The following SEPTIN4 variants were observed in gnomAD, a reference collection of about 807,000 sequenced individuals.
SEPTIN4 encodes septin 4, also known as septin-4.
A neutral mutation model predicts 107.1 loss-of-function variants in SEPTIN4; 52 were observed. The observed-to-expected ratio is 0.49, with a 90% CI of 0.39 to 0.61. The LOEUF (loss-of-function observed/expected upper bound fraction) is 0.61, where lower values mean the gene tolerates loss of function less well. Ranked by LOEUF, SEPTIN4 falls within the 20% of genes least tolerant of loss-of-function variation. SEPTIN4 has a pLI of 0.00. For synonymous variants in SEPTIN4, 417 were observed against 467.0 expected, an observed-to-expected ratio of 0.89 and a Z score of 1.38; for missense variants, 1,048 against 1,243.5, an observed-to-expected ratio of 0.84 and a Z score of 2.36.
At position 58,520,268 on chromosome 17, in the gene SEPTIN4, TTTA is replaced by T; in HGVS notation, c.*155_*157del. ...AGGGACACCAGAAGCCACCTACAGATTTATTAAACTTTATTTCCTCTGAGTCTC... is the reference window on the plus strand; with the variant it reads ...AGGGACACCAGAAGCCACCTACAGATTTAAACTTTATTTCCTCTGAGTCTC... On this transcript the variant is annotated 3_prime_UTR_variant, in exon 14 of 14. Coordinates refer to ENST00000672673, the MANE Select transcript of SEPTIN4 (RefSeq NM_001368771.2). The T allele has an allele frequency of 1.6e-6, 1 of 644,628 alleles. No homozygotes were observed. Among genetic ancestry groups the T allele is most frequent in the Non-Finnish European group, 2.7e-6 (1 of 366,664 alleles). The allele number at this position is 644,628 out of a possible 1,614,324, so 39.9% of individuals were successfully genotyped here. A position where few individuals can be genotyped will look rare whatever the true frequency, so the allele number is the denominator to read the frequency against.
intron 3 of SEPTIN4, among the ~76,000 whole-genome samples, chr17:58,537,955 G>A (rs947315252): frequency 6.6e-6 from 1 of 152,072 alleles, no homozygotes; most frequent in Non-Finnish European, 1.5e-5. Flanking sequence ...AATGCCGGGT[G>A]CAGTGGTTGG....
rs745683989 is a variant in SEPTIN4 at position 58,543,750 on chromosome 17, T to C, written c.437A>G (p.His146Arg). ...ESKSGREVGH[H>R]ASSIPDAKST... is the part of the protein sequence containing the mutation. Reference sequence around the variant, plus strand: ...TTTGGCATCTGGGATTGATGAAGCATGATGGCCGACCTCGCGCCCTGACTT... The same window carrying C: ...TTTGGCATCTGGGATTGATGAAGCACGATGGCCGACCTCGCGCCCTGACTT... The change falls in exon 1 of 14, where the codon CAT becomes CGT. Residue 146 changes from histidine (H) to arginine (R), a missense_variant. Around this residue, in one of 2 missense-constraint regions of SEPTIN4, gnomAD observed 787 missense variants for 871.8 expected, o/e 0.90. Coordinates refer to ENST00000672673, the MANE Select transcript of SEPTIN4 (RefSeq NM_001368771.2). 1.2e-6 allele frequency: 2 copies of C among 1,614,234 alleles called. No individual in the cohort carries two copies. Among genetic ancestry groups the C allele is most frequent in the Admixed American group, 3.3e-5 (2 of 60,024 alleles).
chr17:58,523,821 G>A (rs935142254), intron 7 of SEPTIN4, among the ~76,000 whole-genome samples: 1 of 152,130 alleles, frequency 6.6e-6, no homozygotes, highest in Non-Finnish European at 1.5e-5. Flanking sequence ...TGAGTATGCT[G>A]TAAATAGCCC....
intron 7 of SEPTIN4, chr17:58,524,846 C>G (rs1353073611): frequency 3.8e-6 from 2 of 521,756 alleles, no homozygotes; most frequent in Non-Finnish European, 6.8e-6. Flanking sequence ...TGTCCCTACC[C>G]CATTATAGAA....
rs746324621 is a variant in SEPTIN4 at position 58,525,133 on chromosome 17, G to A, written c.2161C>T (p.Arg721Trp). 5.6e-6 allele frequency: 9 copies of A among 1,614,136 alleles called. No individual in the cohort carries two copies. The highest frequency in any genetic ancestry group is 2.7e-5 in the African/African-American group (2 of 75,034). ...VDIEEKGVRL[R>W]LTIVDTPGFG... ...CCTGGTGTGTCCACAATGGTGAGCC[G>A]CAGCCTCACACCCTTCTCTTCTATG... is the stretch of plus-strand genomic sequence containing the variant. The change falls in exon 7 of 14, where the codon CGG (arginine) becomes TGG (tryptophan). Residue 721 changes from arginine (R) to tryptophan (W), a missense_variant. Around this residue, in one of 2 missense-constraint regions of SEPTIN4, gnomAD observed 261 missense variants for 371.7 expected, o/e 0.70. Coordinates refer to ENST00000672673, the MANE Select transcript of SEPTIN4 (RefSeq NM_001368771.2).
chr17:58,539,180 C>T, intron 3 of SEPTIN4: 1 of 1,534,242 alleles, frequency 6.5e-7, no homozygotes. Flanking sequence ...TTCTGGGGAG[C>T]AGCTCTGCTG....
At chr17:58,524,861 A>T (rs1038630760) in intron 7 of SEPTIN4, 67 of 577,514 alleles carry the variant, frequency 1.2e-4, no homozygotes, top group Non-Finnish European at 1.2e-5. Context: ...ATAGAATCAT[A>T]GGGCAGAATT....
intron 2 of SEPTIN4, 199 bp from the exon 3 acceptor site, chr17:58,540,872 G>A (rs917393646): frequency 7.9e-5 from 33 of 416,550 alleles, no homozygotes; most frequent in African/African-American, 4.5e-4. Context: ...GCCAAGCACC[G>A]TGCTAAGTGT....
intron 3 of SEPTIN4, among the ~76,000 whole-genome samples, chr17:58,532,896 G>A (rs1006272623): frequency 6.6e-6 from 1 of 152,204 alleles, no homozygotes; most frequent in African/African-American, 2.4e-5. Context: ...GGTGAGTGGG[G>A]TGTTGGTGAG....
At chr17:58,525,490 C>A in intron 6 of SEPTIN4, 1 of 614,882 alleles carries the variant, frequency 1.6e-6, no homozygotes, top group South Asian at 2.0e-5. Context: ...GAGAGCAAGA[C>A]TCTGGTCTCT....
At chr17:58,522,762 A>G (rs1204821028) in intron 7 of SEPTIN4, among the ~76,000 whole-genome samples, 1 of 151,920 alleles carries the variant, frequency 6.6e-6, no homozygotes, top group East Asian at 1.9e-4. Flanking sequence ...TTCCAGTGTA[A>G]CCTCAGAGCC....
In SEPTIN4 at chr17:58,522,105, G is replaced by A. The variant is rs749321626; in HGVS notation, c.2217-4C>T. Reference sequence around the variant, plus strand: ...GTATTCTGCCACAGGCTTCCAGCTGGGGCAGGGACAGACAAGCAGAGAAAC... The same window carrying A: ...GTATTCTGCCACAGGCTTCCAGCTGAGGCAGGGACAGACAAGCAGAGAAAC... On this transcript the variant is annotated splice_region_variant and splice_polypyrimidine_tract_variant and intron_variant, in intron 7 of 13. Coordinates refer to ENST00000672673, the MANE Select transcript of SEPTIN4 (RefSeq NM_001368771.2). 3 of 1,614,044 alleles carry A rather than the reference G, an allele frequency of 1.9e-6. No homozygotes were observed. The highest frequency in any genetic ancestry group is 1.3e-5 in the African/African-American group (1 of 74,928).
In SEPTIN4 at chr17:58,521,531, T is replaced by C. The variant is rs370675904; in HGVS notation, c.2571+14A>G. The C allele has an allele frequency of 3.1e-4, 504 of 1,613,216 alleles. No individual in the cohort carries two copies. Among genetic ancestry groups the C allele is most frequent in the Non-Finnish European group, 4.1e-4 (483 of 1,179,230 alleles). Reference sequence around the variant, plus strand: ...GAAATAAGATAGGAATGGGATGCCCTAGAGTGGCCCCACCTTTAGGGCTTG... The same window carrying C: ...GAAATAAGATAGGAATGGGATGCCCCAGAGTGGCCCCACCTTTAGGGCTTG... On this transcript the variant is annotated intron_variant, in intron 10 of 13. Coordinates refer to ENST00000672673, the MANE Select transcript of SEPTIN4 (RefSeq NM_001368771.2). The surrounding 1 kb of genome is among the most constrained non-coding windows in gnomAD (Gnocchi z 6.4).
At position 58,526,723 on chromosome 17, in the gene SEPTIN4, G is replaced by C; in HGVS notation, c.1870C>G (p.Arg624Gly). 1.9e-6 allele frequency: 3 copies of C among 1,605,880 alleles called. No homozygotes were observed. The highest frequency in any genetic ancestry group is 1.7e-6 in the Non-Finnish European group (2 of 1,176,756). Residue 624 changes from arginine to glycine, a missense_variant, in exon 4 of 14, where the codon CGC (arginine) becomes GGC (glycine). Arg to Gly is a moderately radical substitution (Grantham distance 125). Coordinates refer to ENST00000672673, the MANE Select transcript of SEPTIN4 (RefSeq NM_001368771.2). Reference sequence around the variant, plus strand: ...GGATCAAGCTTGCCCCATGGGCTGCGGGGCCTGGCAGATGGGCTGAGAGGG... The same window carrying C: ...GGATCAAGCTTGCCCCATGGGCTGCCGGGCCTGGCAGATGGGCTGAGAGGG... Reference protein sequence around the residue: ...PAPLSPSARPRSPWGKLDPYD... With the variant: ...PAPLSPSARPGSPWGKLDPYD...
intron 6 of SEPTIN4, 26 bp downstream of exon 6, chr17:58,525,669 G>C (rs1178993096): frequency 6.3e-7 from 1 of 1,598,242 alleles, no homozygotes; most frequent in African/African-American, 1.3e-5. Context: ...AGGCAAGTCT[G>C]CCTGATTGTC....
Position 58,543,823 on chromosome 17 carries a change from T to C in SEPTIN4, c.364A>G (p.Lys122Glu), listed in dbSNP as rs1229016424. 6.2e-7 allele frequency: 1 copy of C among 1,614,182 alleles called. No individual in the cohort carries two copies. The highest frequency in any genetic ancestry group is 8.5e-7 in the Non-Finnish European group (1 of 1,180,040). The part of the protein sequence containing the change: ...LASHASSRQW[K>E]VSPPREEAAR... ...GCTTCCTCTCTGGGTGGACTAACTT[T>C]CCATTGTCTGCTTGAAGCATGGGAA... is the stretch of plus-strand genomic sequence containing the variant. The change falls in exon 1 of 14, where the codon AAA becomes GAA. Residue 122 changes from lysine to glutamate, a missense_variant. Coordinates refer to ENST00000672673, the MANE Select transcript of SEPTIN4 (RefSeq NM_001368771.2).
chr17:58,531,680 G>A (rs1391658762), intron 3 of SEPTIN4: 3 of 199,580 alleles, frequency 1.5e-5, no homozygotes, highest in Non-Finnish European at 3.0e-5. Context: ...CTCCACCAGC[G>A]GGCACCTCCC....
At position 58,543,871 on chromosome 17, in the gene SEPTIN4, T is replaced by A; in HGVS notation, c.316A>T (p.Ser106Cys). 2 of 1,614,138 alleles carry A rather than the reference T, an allele frequency of 1.2e-6. No individual in the cohort carries two copies. Among genetic ancestry groups the A allele is most frequent in the South Asian group, 2.2e-5 (2 of 91,068 alleles). The change falls in exon 1 of 14, where the codon AGC (serine) becomes TGC (cysteine). Residue 106 changes from serine (S) to cysteine (C), a missense_variant. By Grantham distance (112) the Ser-to-Cys change is moderately radical. Transcript: ENST00000672673. The part of the protein sequence containing the change: ...SSRHSSPHLK[S>C]QKTQTLASHA... ...GAAGCCAGTGTCTGAGTCTTCTGGC[T>A]CTTTAGATGGGGAGAGGAATGGCGG...
intron 7 of SEPTIN4, chr17:58,524,870 T>C: frequency 1.6e-6 from 1 of 617,910 alleles, no homozygotes; most frequent in East Asian, 3.0e-5. Context: ...TAGGGCAGAA[T>C]TGGAAGGAAC....
Sources: allele counts gnomAD v4.1 joint callset (sites outside exome capture counted in the v4.1 genomes callset), GRCh38; gene constraint gnomAD v4.1.1; regional missense constraint gnomAD v4.1.1; non-coding constraint Gnocchi (gnomAD v3.1); transcripts MANE v1.5; gene names NCBI Gene and HGNC (gene_info 2026-07-23, HGNC 2026-07-21).